The following TNFRSF11B variants were observed in gnomAD, a reference collection of about 807,000 sequenced individuals.
TNFRSF11B encodes the protein TNF receptor superfamily member 11b.
Under a neutral mutation model 43.4 loss-of-function variants are expected in TNFRSF11B, and 16 were observed. The ratio of observed to expected loss-of-function variants is 0.37; its 90% CI spans 0.25 to 0.56. The LOEUF is 0.56. Among genes scored for constraint, TNFRSF11B ranks in the 20% least tolerant of loss-of-function variants. The pLI is 0.80. For synonymous variants in TNFRSF11B, 185 were observed against 181.8 expected (o/e 1.02, Z -0.14); for missense variants, 444 against 490.1 (o/e 0.91, Z 0.89).
chr8:118,946,709 G>A (rs1251402748), intron 1 of TNFRSF11B, among the ~76,000 whole-genome samples: 1 of 151,956 alleles, frequency 6.6e-6, no homozygotes, highest in Admixed American at 6.6e-5. Flanking sequence ...TTCTCTCTTG[G>A]CTTGTGAAGT....
At position 118,924,414 on chromosome 8, in the gene TNFRSF11B, A is replaced by C. The variant is rs1375250340; in HGVS notation, c.1166T>G (p.Ile389Arg). 6.2e-7 allele frequency: 1 copy of C among 1,614,138 alleles called. No homozygotes were observed. Among genetic ancestry groups the C allele is most frequent in the South Asian group, 1.1e-5 (1 of 91,084 alleles). ...TTTTACTGATTGGACCTGGTTACCT[A>C]TCATTTCTAAAAATAACTTCTGATA... ...KLYQKLFLEM[I>R]GNQVQSVKIS... Residue 389 changes from isoleucine (I) to arginine (R), a missense_variant, in exon 5 of 5, where the codon ATA becomes AGA. By Grantham distance (97) the Ile-to-Arg change is moderately conservative. Coordinates refer to ENST00000297350, the MANE Select transcript of TNFRSF11B (RefSeq NM_002546.4).
chr8:118,932,227 T>C (rs1487576258), intron 2 of TNFRSF11B, among the ~76,000 whole-genome samples: 1 of 152,198 alleles, frequency 6.6e-6, no homozygotes, highest in African/African-American at 2.4e-5. Flanking sequence ...GTTACTGGTT[T>C]AAAAGATTCA....
chr8:118,926,805 A>G, intron 3 of TNFRSF11B, 87 bp from the exon 4 acceptor site: 1 of 1,230,504 alleles, frequency 8.1e-7, no homozygotes. Context: ...CAAAAAACCA[A>G]CACAATTGAA....
Position 118,933,198 on chromosome 8 carries a change from G to A in TNFRSF11B, c.133C>T (p.Pro45Ser). The A allele has an allele frequency of 6.2e-7, 1 of 1,614,184 alleles. No homozygotes were observed. The highest frequency in any genetic ancestry group is 8.5e-7 in the Non-Finnish European group (1 of 1,180,030). Residue 45 changes from proline (P) to serine (S), a missense_variant, in exon 2 of 5, where the codon CCT becomes TCT. Transcript: ENST00000297350. ...TSHQLLCDKC[P>S]PGTYLKQHCT... ...TGTTGTTTTAGGTAGGTACCAGGAG[G>A]ACATTTGTCACACAACAGCTGATGA...
At chr8:118,933,791 C>G (rs1483196808) in intron 1 of TNFRSF11B, among the ~76,000 whole-genome samples, 24 of 152,172 alleles carry the variant, frequency 1.6e-4, no homozygotes, top group Admixed American at 1.5e-3. Context: ...TGCAGTGTTT[C>G]TGACGCCTGG....
chr8:118,946,567 A>G (rs952119168), intron 1 of TNFRSF11B, among the ~76,000 whole-genome samples: 3 of 152,120 alleles, frequency 2.0e-5, no homozygotes, highest in African/African-American at 7.2e-5. Context: ...AGTTCCTGCT[A>G]TTGTGGGTTG....
In TNFRSF11B at chr8:118,924,088, CTAGT is replaced by C; in HGVS notation, c.*282_*285del. 1 of 314,584 alleles carries C rather than the reference CTAGT, an allele frequency of 3.2e-6. No individual in the cohort carries two copies. Among genetic ancestry groups the C allele is most frequent in the East Asian group, 6.3e-5 (1 of 15,884 alleles). The allele number at this position is 314,584 out of a possible 1,614,324, so 19.5% of individuals were successfully genotyped here. A position where few individuals can be genotyped will look rare whatever the true frequency, so the allele number is the denominator to read the frequency against. On this transcript the variant is annotated 3_prime_UTR_variant, in exon 5 of 5. Transcript: ENST00000297350. ...CATATTTAGTAAGGCACAATGGAGT[CTAGT>C]TTTTTTTTTTTAATTTCCAGTTGAA...
At position 118,924,475 on chromosome 8, in the gene TNFRSF11B, T is replaced by G. The variant is rs574213881; in HGVS notation, c.1105A>C (p.Ile369Leu). The G allele has an allele frequency of 6.2e-7, 1 of 1,614,076 alleles. No individual in the cohort carries two copies. Among genetic ancestry groups the G allele is most frequent in the African/African-American group, 1.3e-5 (1 of 75,034 alleles). ...ATTGTGAAGCTGTGAAGGAACCTGA[T>G]GGTCTTCTTTAGACTCTGAGTGACA... ...KTVTQSLKKT[I>L]RFLHSFTMYK... The change falls in exon 5 of 5, where the codon ATC becomes CTC. Residue 369 changes from isoleucine (I) to leucine (L), a missense_variant. By Grantham distance (5) the Ile-to-Leu change is conservative. Coordinates refer to ENST00000297350, the MANE Select transcript of TNFRSF11B (RefSeq NM_002546.4).
chr8:118,933,616 G>A (rs1189750270), intron 1 of TNFRSF11B, among the ~76,000 whole-genome samples: 2 of 152,118 alleles, frequency 1.3e-5, no homozygotes, highest in African/African-American at 2.4e-5. Context: ...TGTCGTCTTG[G>A]GTTGCAGGAT....
chr8:118,926,953 T>A (rs1812253981), intron 3 of TNFRSF11B, among the ~76,000 whole-genome samples: 1 of 152,228 alleles, frequency 6.6e-6, no homozygotes, highest in African/African-American at 2.4e-5. Context: ...AGAGAAAGTT[T>A]AGTAAATGTC....
At chr8:118,928,642 G>T in intron 3 of TNFRSF11B, 96 bp downstream of exon 3, 1 of 1,374,510 alleles carries the variant, frequency 7.3e-7, no homozygotes, top group Non-Finnish European at 1.0e-6. Flanking sequence ...GAAAATGTAA[G>T]TTTGACCAAG....
intron 1 of TNFRSF11B, among the ~76,000 whole-genome samples, chr8:118,947,565 C>T (rs1367799286): frequency 6.6e-6 from 1 of 152,280 alleles, no homozygotes; most frequent in East Asian, 1.9e-4. Context: ...GTCCCACACA[C>T]ATTCATGTCC....
Position 118,951,838 on chromosome 8 carries a change from C to T in TNFRSF11B, c.-17G>A, listed in dbSNP as rs1325652418. On this transcript the variant is annotated 5_prime_UTR_variant, in exon 1 of 5. Transcript: ENST00000297350. ...GTTGTTCATTGTGGTCCCCGGAAAC[C>T]TCAGGGGCTTGGAGGCGGCGGCTGG... is the stretch of plus-strand genomic sequence containing the variant. 1.3e-6 allele frequency: 2 copies of T among 1,584,596 alleles called. No individual in the cohort carries two copies. The highest frequency in any genetic ancestry group is 1.7e-6 in the Non-Finnish European group (2 of 1,165,266).
At chr8:118,928,578 G>C (rs1173382141) in intron 3 of TNFRSF11B, among the ~76,000 whole-genome samples, 160 bp downstream of exon 3, 1 of 152,190 alleles carries the variant, frequency 6.6e-6, no homozygotes, top group Non-Finnish European at 1.5e-5. Context: ...CTGAGTGGTA[G>C]CTTTAGCAGT....
intron 2 of TNFRSF11B, chr8:118,930,690 AT>A: frequency 2.3e-6 from 1 of 440,614 alleles, no homozygotes; most frequent in South Asian, 1.6e-5. Flanking sequence ...GAGATTACAG[AT>A]GTGAGCCACC....
At position 118,951,881 on chromosome 8, in the gene TNFRSF11B, T is replaced by A; in HGVS notation, c.-60A>T. On this transcript the variant is annotated 5_prime_UTR_variant, in exon 1 of 5. Transcript: ENST00000297350. ...GCGGCTGGGCGAGCGCTCCGGTGCGTCTCCGCAGCCCGTGCGCTCATCACG... is the reference window on the plus strand; with the variant it reads ...GCGGCTGGGCGAGCGCTCCGGTGCGACTCCGCAGCCCGTGCGCTCATCACG... 1 of 1,474,188 alleles carries A rather than the reference T, an allele frequency of 6.8e-7. No homozygotes were observed. Among genetic ancestry groups the A allele is most frequent in the Non-Finnish European group, 9.3e-7 (1 of 1,074,984 alleles). 91.3% of individuals were successfully genotyped at this position (1,474,188 alleles called of 1,614,324 possible). A position where few individuals can be genotyped will look rare whatever the true frequency, so the allele number is the denominator to read the frequency against.
At chr8:118,932,893 C>A (rs188556114) in intron 2 of TNFRSF11B, 38 bp downstream of exon 2, 2 of 1,613,000 alleles carry the variant, frequency 1.2e-6, no homozygotes, top group Middle Eastern at 1.6e-4. Flanking sequence ...TCTGACTTTG[C>A]ATGATCCTAA....
chr8:118,927,737 C>T (rs1348168014), intron 3 of TNFRSF11B, among the ~76,000 whole-genome samples: 1 of 151,892 alleles, frequency 6.6e-6, no homozygotes, highest in Non-Finnish European at 1.5e-5. Context: ...CTGGTTTATA[C>T]CATTGCTTGA....
chr8:118,931,387 G>T (rs1812326047), intron 2 of TNFRSF11B, among the ~76,000 whole-genome samples: 1 of 152,044 alleles, frequency 6.6e-6, no homozygotes, highest in Admixed American at 6.6e-5. Context: ...TCTACAAACA[G>T]ATTTTCTTAC....
Sources: gnomAD v4.1 joint callset for allele counts (sites outside exome capture counted in the v4.1 genomes callset) on GRCh38, gnomAD v4.1.1 for gene constraint, MANE v1.5 for transcripts, NCBI Gene and HGNC (gene_info 2026-07-23, HGNC 2026-07-21) for gene names.